The following KIAA1549L variants were observed in gnomAD, a reference collection of about 807,000 sequenced individuals.
KIAA1549L encodes the protein UPF0606 protein KIAA1549L.
In KIAA1549L, 88 loss-of-function variants were observed where a neutral mutation model predicts 160.7. That is an observed-to-expected ratio of 0.55 (90% CI 0.46 to 0.65). The LOEUF is 0.65. Among genes scored for constraint, KIAA1549L ranks in the 30% least tolerant of loss-of-function variants. The pLI, the probability that KIAA1549L is intolerant of heterozygous loss-of-function variation, is 0.00. For synonymous variants in KIAA1549L, 950 were observed against 976.7 expected (o/e 0.97, Z 0.51); for missense variants, 2,258 against 2,437.5 (o/e 0.93, Z 1.55).
At chr11:33,583,277 G>C in intron 10 of KIAA1549L, 61 bp from the exon 11 acceptor site, 1 of 1,489,582 alleles carries the variant, frequency 6.7e-7, no homozygotes, top group Admixed American at 2.0e-5. Flanking sequence ...GGTTATGTCT[G>C]GGTTGCTTTC....
intron 4 of KIAA1549L, among the ~76,000 whole-genome samples, chr11:33,549,072 C>G (rs1164153013): frequency 6.6e-6 from 1 of 152,166 alleles, no homozygotes; most frequent in Non-Finnish European, 1.5e-5. Flanking sequence ...TTTCACTAAT[C>G]TTCAAACATT....
rs960966492 is a variant in KIAA1549L, at chr11:33,478,328, C to T, written c.239-63474C>T. 4.6e-5 allele frequency among the ~76,000 whole-genome samples: 7 copies of T among 152,312 alleles called. No individual in the cohort carries two copies. In the East Asian group the frequency reaches 7.7e-4, roughly 17 times the overall value. ...TGCCTGGCTTTGCAAGCCCCCCAGA[C>T]GGGCAAAGGTTTCTGCAAAGCTATG... On this transcript the variant is annotated intron_variant, in intron 1 of 20. Transcript: ENST00000658780.
intron 7 of KIAA1549L, 122 bp from the exon 8 acceptor site, chr11:33,561,554 C>T: frequency 2.6e-6 from 2 of 763,996 alleles, no homozygotes. Context: ...ACCACTTGAG[C>T]CCAGGAGTTC....
intron 17 of KIAA1549L, among the ~76,000 whole-genome samples, chr11:33,652,039 A>G (rs1851911792): frequency 2.0e-5 from 3 of 149,604 alleles, no homozygotes; most frequent in African/African-American, 7.4e-5. Context: ...GAGACCTGCA[A>G]TCTGACTGCC....
intron 1 of KIAA1549L, among the ~76,000 whole-genome samples, chr11:33,483,989 T>G (rs1371714459): frequency 6.6e-6 from 1 of 152,252 alleles, no homozygotes; most frequent in Admixed American, 6.5e-5. Context: ...GGAAATAGTC[T>G]TCTTGGTCAG....
chr11:33,424,406 T>C (rs959924400), intron 1 of KIAA1549L, among the ~76,000 whole-genome samples: 1 of 152,216 alleles, frequency 6.6e-6, no homozygotes, highest in East Asian at 1.9e-4. Flanking sequence ...GAAACCATTA[T>C]ACATCCACCT....
intron 20 of KIAA1549L, among the ~76,000 whole-genome samples, chr11:33,667,154 A>G (rs1852486808): frequency 6.6e-6 from 1 of 152,160 alleles, no homozygotes; most frequent in Non-Finnish European, 1.5e-5. Flanking sequence ...CTATGATTGT[A>G]CCACTGCACT....
chr11:33,540,468 C>A (rs1489056095), intron 1 of KIAA1549L, among the ~76,000 whole-genome samples: 1 of 152,124 alleles, frequency 6.6e-6, no homozygotes, highest in Non-Finnish European at 1.5e-5. Context: ...AGACTGCATG[C>A]AAAGTGTGAA....
rs368086773 is a variant in KIAA1549L at position 33,480,044 on chromosome 11, TTGTG to T, written c.239-61741_239-61738del. Among the ~76,000 whole-genome samples the T allele has an allele frequency of 1.6e-3, 240 of 150,188 alleles. 1 individual carries two copies. The highest frequency in any genetic ancestry group is 1.4e-3 in the Non-Finnish European group (93 of 67,280). The stretch of plus-strand genomic sequence containing the variant: ...GTTGGAGGGAGGTTCATATTAATGA[TTGTG>T]TGTGTGTGTGTGTGTGCACGCGTGC... On this transcript the variant is annotated intron_variant, in intron 1 of 20. Coordinates refer to ENST00000658780, the MANE Select transcript of KIAA1549L (RefSeq NM_012194.3).
At chr11:33,545,866 G>T (rs1854241323) in intron 3 of KIAA1549L, among the ~76,000 whole-genome samples, 1 of 152,208 alleles carries the variant, frequency 6.6e-6, no homozygotes, top group African/African-American at 2.4e-5. Context: ...AACATCTTGG[G>T]AAGTGCTACA....
chr11:33,523,885 T>C (rs1853553442), intron 1 of KIAA1549L, among the ~76,000 whole-genome samples: 1 of 152,186 alleles, frequency 6.6e-6, no homozygotes, highest in African/African-American at 2.4e-5. Context: ...CATGCCTCCT[T>C]CTACATTTTT....
At chr11:33,432,270 C>T (rs748778400) in intron 1 of KIAA1549L, among the ~76,000 whole-genome samples, 9 of 152,190 alleles carry the variant, frequency 5.9e-5, no homozygotes, top group Non-Finnish European at 1.2e-4. Flanking sequence ...CGAGAGCAAA[C>T]GAGGGCTGTG....
rs761613476 is a variant in KIAA1549L at position 33,543,529 on chromosome 11, G to C, written c.1966G>C (p.Val656Leu). The C allele has an allele frequency of 6.2e-7, 1 of 1,613,928 alleles. No individual in the cohort carries two copies. ...CAAGCCAGAGGCTTATGCAGCTGCT[G>C]TGGACCATTCTGGGTTGCCAGCTTC... ...STKPEAYAAA[V>L]DHSGLPASAS... The change falls in exon 2 of 21, where the codon GTG becomes CTG. Residue 656 changes from valine (V) to leucine (L), a missense_variant. Physicochemically the swap from Val to Leu is conservative, Grantham distance 32. Transcript: ENST00000658780.
chr11:33,405,639 A>C (rs11032258), intron 1 of KIAA1549L, among the ~76,000 whole-genome samples: 16,456 of 151,464 alleles, frequency 0.11, 1,789 homozygotes, highest in East Asian at 0.26. Context: ...GTTGACAGAT[A>C]GAGAACATCC....
chr11:33,623,607 G>A lies in KIAA1549L; in HGVS notation c.5409+4945G>A, dbSNP rs118190930. Reference sequence around the variant, plus strand: ...GATTGAGGTGTTTGAGGGTGAAGGAGGTCTTTAGGTAAAGTCCAGATGTCA... The same window carrying A: ...GATTGAGGTGTTTGAGGGTGAAGGAAGTCTTTAGGTAAAGTCCAGATGTCA... On this transcript the variant is annotated intron_variant, in intron 16 of 20. Coordinates refer to ENST00000658780, the MANE Select transcript of KIAA1549L (RefSeq NM_012194.3). Among the ~76,000 whole-genome samples the A allele has an allele frequency of 1.4e-4, 22 of 152,262 alleles. No individual in the cohort carries two copies. In the East Asian group the frequency reaches 3.5e-3, roughly 24 times the overall value.
Position 33,544,076 on chromosome 11 carries a change from A to G in KIAA1549L, c.2513A>G (p.Asn838Ser). The G allele has an allele frequency of 6.2e-7, 1 of 1,614,004 alleles. No individual in the cohort carries two copies. The highest frequency in any genetic ancestry group is 8.5e-7 in the Non-Finnish European group (1 of 1,179,878). ...SVSHPQLQLP[N>S]QPAHPLLLTS... ...TCTCATCCTCAGCTACAGTTGCCCA[A>G]CCAGCCAGCACATCCTCTTTTGCTA... Residue 838 changes from asparagine to serine, a missense_variant, in exon 2 of 21, where the codon AAC (asparagine) becomes AGC (serine). Coordinates refer to ENST00000658780, the MANE Select transcript of KIAA1549L (RefSeq NM_012194.3).
chr11:33,576,797 T>G (rs1310078719), intron 10 of KIAA1549L, among the ~76,000 whole-genome samples: 2 of 151,972 alleles, frequency 1.3e-5, no homozygotes, highest in Non-Finnish European at 2.9e-5. Context: ...ATGCAGAAGG[T>G]GCAGGTCAAA....
In KIAA1549L at chr11:33,442,670, G is replaced by A. The variant is rs184651673; in HGVS notation, c.238+65781G>A. On this transcript the variant is annotated intron_variant, in intron 1 of 20. Coordinates refer to ENST00000658780, the MANE Select transcript of KIAA1549L (RefSeq NM_012194.3). ...ATACTGATTTTATTTATTCTGCTTG[G>A]CATTTATCATGCTTCTTTAATCTGA... Among the ~76,000 whole-genome samples the A allele has an allele frequency of 1.2e-3, 188 of 152,090 alleles. 1 individual carries two copies. Among genetic ancestry groups the A allele is most frequent in the African/African-American group, 4.5e-3 (187 of 41,508 alleles).
chr11:33,437,716 A>G (rs1189786568), intron 1 of KIAA1549L, among the ~76,000 whole-genome samples: 2 of 152,140 alleles, frequency 1.3e-5, no homozygotes, highest in Non-Finnish European at 2.9e-5. Flanking sequence ...TGCATGTTCT[A>G]AAGACCTTTG....
Sources: allele counts gnomAD v4.1 joint callset (sites outside exome capture counted in the v4.1 genomes callset), GRCh38; gene constraint gnomAD v4.1.1; transcripts MANE v1.5; gene names NCBI Gene and HGNC (gene_info 2026-07-23, HGNC 2026-07-21).